Variants in CADPS2 observed in about 807,000 individuals in gnomAD.
CADPS2 encodes the protein calcium-dependent secretion activator 2.
Under a neutral mutation model 172.5 loss-of-function variants are expected in CADPS2, and 93 were observed. The ratio of observed to expected loss-of-function variants is 0.54; its 90% CI spans 0.46 to 0.64. The LOEUF is 0.64. Ranked by LOEUF, CADPS2 falls within the 30% of genes least tolerant of loss-of-function variation. CADPS2 has a pLI of 0.00. For missense variants in CADPS2, 1,420 were observed against 1,565.9 expected (o/e 0.91, Z 1.57); for synonymous variants, 546 against 555.2 (o/e 0.98, Z 0.23).
intron 2 of CADPS2, among the ~76,000 whole-genome samples, chr7:122,683,814 C>G (rs925428813): frequency 1.3e-5 from 2 of 151,888 alleles, no homozygotes; most frequent in African/African-American, 2.4e-5. Flanking sequence ...CTCCCCAAGT[C>G]TACATGGGTT....
intron 3 of CADPS2, among the ~76,000 whole-genome samples, chr7:122,632,873 T>C (rs1023318621): frequency 1.3e-5 from 2 of 152,202 alleles, no homozygotes; most frequent in African/African-American, 4.8e-5. Context: ...AATTTTCGTA[T>C]ATGATGAAAG....
At chr7:122,490,531 T>C (rs187717854) in intron 10 of CADPS2, among the ~76,000 whole-genome samples, 2 of 152,242 alleles carry the variant, frequency 1.3e-5, no homozygotes, top group Non-Finnish European at 2.9e-5. Context: ...CAGAGTATCA[T>C]TCTACAAGAC....
At chr7:122,842,335 C>A (rs1236678425) in intron 1 of CADPS2, among the ~76,000 whole-genome samples, 2 of 152,194 alleles carry the variant, frequency 1.3e-5, no homozygotes, top group Non-Finnish European at 2.9e-5. Context: ...TGAAAAAAAT[C>A]TGGTACAATG....
chr7:122,499,484 A>G (rs1369748171), intron 9 of CADPS2, among the ~76,000 whole-genome samples: 1 of 152,164 alleles, frequency 6.6e-6, no homozygotes, highest in Non-Finnish European at 1.5e-5. Context: ...CATGGGCACT[A>G]TATTTTATTC....
chr7:122,775,975 T>TG (rs2093869368), intron 1 of CADPS2, among the ~76,000 whole-genome samples: 1 of 52,588 alleles, frequency 1.9e-5, no homozygotes, highest in Non-Finnish European at 3.2e-5. Context: ...AGTTCAAAAA[T>TG]TTTTTTCTAG....
At chr7:122,647,050 A>C (rs1707447938) in intron 3 of CADPS2, among the ~76,000 whole-genome samples, 1 of 152,194 alleles carries the variant, frequency 6.6e-6, no homozygotes, top group Admixed American at 6.6e-5. Context: ...TGAAAAAGAA[A>C]GTGACATTTA....
At position 122,820,113 on chromosome 7, in the gene CADPS2, A is replaced by G. The variant is rs200107736; in HGVS notation, c.339+65886T>C. On this transcript the variant is annotated intron_variant, in intron 1 of 29. Transcript: ENST00000449022. ...CTATCCACCCTGTGGTGCCAAACCC[A>G]TATACTCTCCTATCCTCAATACCTG... Among the ~76,000 whole-genome samples, 12 of 152,262 alleles carry G rather than the reference A, an allele frequency of 7.9e-5. 1 individual carries two copies. In the East Asian group the frequency reaches 2.3e-3, roughly 29 times the overall value.
At chr7:122,537,038 G>A (rs2062367857) in intron 8 of CADPS2, among the ~76,000 whole-genome samples, 1 of 151,928 alleles carries the variant, frequency 6.6e-6, no homozygotes, top group African/African-American at 2.4e-5. Context: ...AGGATGGGAG[G>A]AGGGAAGAAG....
rs563286338 is a variant in CADPS2 at position 122,430,225 on chromosome 7, C to T, written c.2476+8116G>A. 3.9e-5 allele frequency among the ~76,000 whole-genome samples: 6 copies of T among 152,304 alleles called. No individual in the cohort carries two copies. The South Asian group carries it at 1.2e-3, about 32-fold the overall frequency. ...ATTCCATGCTACCTTTTGTTCAGGG[C>T]ACCTCCACATTTCTAGGTTCACCAT... is the stretch of plus-strand genomic sequence containing the variant. On this transcript the variant is annotated intron_variant, in intron 17 of 29. Coordinates refer to ENST00000449022, the MANE Select transcript of CADPS2 (RefSeq NM_017954.11).
intron 1 of CADPS2, among the ~76,000 whole-genome samples, chr7:122,817,594 A>G (rs184239314): frequency 0.016 from 2,466 of 152,140 alleles, 68 homozygotes; most frequent in African/African-American, 0.056. Context: ...CCACCCAGGG[A>G]TGCCTGCCTT....
chr7:122,479,475 T>TA (rs2057053084), intron 12 of CADPS2, among the ~76,000 whole-genome samples: 1 of 152,212 alleles, frequency 6.6e-6, no homozygotes, highest in Admixed American at 6.5e-5. Flanking sequence ...TCAGCCTGAA[T>TA]AGTATGTCCA....
At chr7:122,805,229 G>A (rs188196272) in intron 1 of CADPS2, among the ~76,000 whole-genome samples, 17 of 152,128 alleles carry the variant, frequency 1.1e-4, no homozygotes, top group Admixed American at 8.5e-4. Flanking sequence ...GCACTATCTC[G>A]GCTCACTGCA....
chr7:122,456,555 T>G (rs2053809234), intron 14 of CADPS2, among the ~76,000 whole-genome samples: 1 of 152,066 alleles, frequency 6.6e-6, no homozygotes, highest in South Asian at 2.1e-4. Context: ...GTCAAAAAAG[T>G]TATGACATAA....
At chr7:122,827,329 G>A (rs1364019536) in intron 1 of CADPS2, among the ~76,000 whole-genome samples, 1 of 152,096 alleles carries the variant, frequency 6.6e-6, no homozygotes, top group African/African-American at 2.4e-5. Context: ...GCCCTAGATG[G>A]TTTCAAAGAA....
intron 1 of CADPS2, among the ~76,000 whole-genome samples, chr7:122,820,450 C>T (rs1342700369): frequency 6.6e-6 from 1 of 151,716 alleles, no homozygotes; most frequent in Non-Finnish European, 1.5e-5. Flanking sequence ...CAACTCCTTT[C>T]CTTCCTAGGC....
At chr7:122,492,045 A>G (rs1167464346) in intron 9 of CADPS2, among the ~76,000 whole-genome samples, 1 of 152,034 alleles carries the variant, frequency 6.6e-6, no homozygotes, top group Admixed American at 6.6e-5. Context: ...GGTGGCACAC[A>G]CCAGTAGTCC....
rs565556680 is a variant in CADPS2 at position 122,404,611 on chromosome 7, A to G, written c.2746+2929T>C. ...TGAACTAGTTTACAGTCCCGCCAAC[A>G]GTGGAAAGGTGTTCCTATTTCTCCA... On this transcript the variant is annotated intron_variant, in intron 20 of 29. Coordinates refer to ENST00000449022, the MANE Select transcript of CADPS2 (RefSeq NM_017954.11). Among the ~76,000 whole-genome samples the G allele has an allele frequency of 1.4e-3, 214 of 152,308 alleles. 1 individual carries two copies. Among genetic ancestry groups the G allele is most frequent in the African/African-American group, 4.9e-3 (203 of 41,578 alleles).
At chr7:122,847,115 C>T (rs1321079541) in intron 1 of CADPS2, among the ~76,000 whole-genome samples, 2 of 151,944 alleles carry the variant, frequency 1.3e-5, no homozygotes, top group East Asian at 3.9e-4. Flanking sequence ...GAAATGGAGT[C>T]TTGCTGTGTT....
intron 1 of CADPS2, among the ~76,000 whole-genome samples, chr7:122,878,819 C>T (rs962809719): frequency 2.2e-4 from 33 of 152,090 alleles, no homozygotes; most frequent in Non-Finnish European, 4.3e-4. Context: ...TATTTTCTTA[C>T]TATATCCTCG....
Sources: allele counts gnomAD v4.1 joint callset (sites outside exome capture counted in the v4.1 genomes callset), GRCh38; gene constraint gnomAD v4.1.1; transcripts MANE v1.5; gene names NCBI Gene and HGNC (gene_info 2026-07-23, HGNC 2026-07-21).